Variants in BMP1 observed in about 807,000 individuals in gnomAD.
The protein encoded by BMP1 is mammalian tolloid protein.
BMP1 carries 63 observed loss-of-function variants against 116.8 expected under a neutral mutation model. The observed-to-expected ratio is 0.54, with a 90% CI of 0.44 to 0.67. The LOEUF (loss-of-function observed/expected upper bound fraction) is 0.67. BMP1 is among the 30% of genes least tolerant of loss of function. The probability of loss-of-function intolerance (pLI) is 0.00; values close to 1 mark genes in which losing one functional copy is unlikely to be tolerated. For synonymous variants in BMP1, 536 were observed against 533.4 expected, an observed-to-expected ratio of 1.00 and a Z score of -0.07; for missense variants, 1,183 against 1,358.9, an observed-to-expected ratio of 0.87 and a Z score of 2.04.
At chr8:22,177,486 C>T in intron 5 of BMP1, 1 of 703,532 alleles carries the variant, frequency 1.4e-6, no homozygotes, top group Non-Finnish European at 2.6e-6. Context: ...CTGCCCTCTG[C>T]CTGGTCTGCC....
rs1829380991 is a variant in BMP1, at chr8:22,207,369, G to A, written c.2428G>A (p.Gly810Arg). 2.5e-6 allele frequency: 4 copies of A among 1,614,086 alleles called. No individual in the cohort carries two copies. The highest frequency in any genetic ancestry group is 1.7e-5 in the Admixed American group (1 of 60,002). ...CAYDHLEVFDGRDAKAPVLGR... is the reference protein window; with the variant it reads ...CAYDHLEVFDRRDAKAPVLGR... Reference sequence around the variant, plus strand: ...CTACGACCACCTAGAGGTGTTCGACGGGCGAGACGCCAAGGCCCCCGTCCT... The same window carrying A: ...CTACGACCACCTAGAGGTGTTCGACAGGCGAGACGCCAAGGCCCCCGTCCT... The change falls in exon 18 of 20, where the codon GGG becomes AGG. Residue 810 changes from glycine (G) to arginine (R), a missense_variant. Around this residue, in one of 4 missense-constraint regions of BMP1, gnomAD observed 956 missense variants for 1,135.2 expected, o/e 0.84. Coordinates refer to ENST00000306385, the MANE Select transcript of BMP1 (RefSeq NM_006129.5).
chr8:22,212,306 A>T lies in BMP1; in HGVS notation c.*578A>T, dbSNP rs1829476513. 6.4e-6 allele frequency: 1 copy of T among 157,396 alleles called. No homozygotes were observed. The highest frequency in any genetic ancestry group is 1.4e-5 in the Non-Finnish European group (1 of 70,544). 9.7% of individuals were successfully genotyped at this position (157,396 alleles called of 1,614,324 possible). On this transcript the variant is annotated 3_prime_UTR_variant, in exon 20 of 20. Coordinates refer to ENST00000306385, the MANE Select transcript of BMP1 (RefSeq NM_006129.5). The stretch of plus-strand genomic sequence containing the variant: ...CCACACCAGGGCACCGCAGCCAATA[A>T]ACCGAAAGTGTTACAGCCAATATCC...
intron 16 of BMP1, among the ~76,000 whole-genome samples, chr8:22,206,486 A>G (rs1282448901): frequency 1.3e-5 from 2 of 151,006 alleles, no homozygotes; most frequent in Admixed American, 6.6e-5. Flanking sequence ...TGGGCAACAG[A>G]GCGAGACTCC....
intron 8 of BMP1, among the ~76,000 whole-genome samples, chr8:22,188,204 A>G (rs1828833072): frequency 7.6e-6 from 1 of 131,720 alleles, no homozygotes; most frequent in African/African-American, 3.1e-5. Context: ...TTTTTCTGAG[A>G]CAGAGTTGCT....
chr8:22,206,711 A>G (rs955360106), intron 16 of BMP1, 143 bp from the exon 17 acceptor site: 1 of 1,264,752 alleles, frequency 7.9e-7, no homozygotes, highest in African/African-American at 1.5e-5. Flanking sequence ...TGAAAAAGAA[A>G]CGATGCCTGC....
rs958488988 is a variant in BMP1 at position 22,179,311 on chromosome 8, G to A, written c.837-394G>A. ...TCCTGGGAGAAGTTTAGTTAGGGCT[G>A]GAGCAGCATGAGGGGCTGCAGAAGC... On this transcript the variant is annotated intron_variant, in intron 6 of 19. Transcript: ENST00000306385. The surrounding 1 kb of genome is among the most constrained non-coding windows in gnomAD (Gnocchi z 4.6). Among the ~76,000 whole-genome samples the A allele has an allele frequency of 5.3e-5, 8 of 152,330 alleles. No individual in the cohort carries two copies. Among genetic ancestry groups the A allele is most frequent in the Admixed American group, 4.6e-4 (7 of 15,310 alleles).
intron 9 of BMP1, among the ~76,000 whole-genome samples, chr8:22,193,454 A>G (rs1451640835): frequency 1.3e-5 from 2 of 152,248 alleles, no homozygotes; most frequent in African/African-American, 4.8e-5. Flanking sequence ...GCTCTTTAGA[A>G]AGGTAAATAG....
rs112416850 is a variant in BMP1 at position 22,193,766 on chromosome 8, A to G, written c.1181-292A>G. Among the ~76,000 whole-genome samples the G allele has an allele frequency of 2.8e-3, 422 of 152,374 alleles. 3 individuals are homozygous for G. The highest frequency in any genetic ancestry group is 9.8e-3 in the African/African-American group (406 of 41,586). ...GCCACTGCACTCCAGCCTGGGTGAC[A>G]GAGCGAGACTCCATCTCAAAAAAAT... On this transcript the variant is annotated intron_variant, in intron 9 of 19. Transcript: ENST00000306385.
At chr8:22,182,966 A>G (rs1056391761) in intron 8 of BMP1, among the ~76,000 whole-genome samples, 10 of 152,202 alleles carry the variant, frequency 6.6e-5, no homozygotes, top group Admixed American at 5.9e-4. Flanking sequence ...TTCCTTTTCA[A>G]ACAATGCTTA....
intron 8 of BMP1, among the ~76,000 whole-genome samples, chr8:22,185,912 T>G (rs1166301491): frequency 7.1e-6 from 1 of 140,720 alleles, no homozygotes; most frequent in Non-Finnish European, 1.5e-5. Flanking sequence ...CTTGGCTCAA[T>G]ATAACCTCCG....
At chr8:22,197,926 T>C (rs1829139504) in intron 15 of BMP1, among the ~76,000 whole-genome samples, 1 of 152,178 alleles carries the variant, frequency 6.6e-6, no homozygotes, top group African/African-American at 2.4e-5. Context: ...GGCTCACGCC[T>C]GTAATCCCAG....
chr8:22,201,748 TC>T, intron 15 of BMP1, 54 bp from the exon 16 acceptor site: 1 of 1,604,276 alleles, frequency 6.2e-7, no homozygotes, highest in Non-Finnish European at 8.5e-7. Flanking sequence ...CCCTGGGGCA[TC>T]CCAACCTCAG....
intron 9 of BMP1, among the ~76,000 whole-genome samples, chr8:22,193,349 T>G (rs774809308): frequency 9.9e-5 from 15 of 152,276 alleles, no homozygotes; most frequent in Non-Finnish European, 2.1e-4. Context: ...AAGAAAGCCA[T>G]GTTTATTTCT....
intron 17 of BMP1, 23 bp from the exon 18 acceptor site, chr8:22,207,278 CTG>C: frequency 6.3e-7 from 1 of 1,597,592 alleles, no homozygotes; most frequent in Non-Finnish European, 8.6e-7. Flanking sequence ...AATTTTTAAT[CTG>C]TGCTCCTTCC....
intron 15 of BMP1, chr8:22,201,282 C>T: frequency 6.5e-7 from 1 of 1,535,410 alleles, no homozygotes; most frequent in Non-Finnish European, 8.7e-7. Context: ...TCGGTGCCCA[C>T]CAACCCCCCA....
chr8:22,190,217 G>A (rs58581369), intron 8 of BMP1, among the ~76,000 whole-genome samples: 389 of 152,310 alleles, frequency 2.6e-3, no homozygotes, highest in African/African-American at 9.2e-3. Context: ...GAACTACCGC[G>A]CTTGGCCTGT....
At position 22,184,237 on chromosome 8, in the gene BMP1, A is replaced by G. The variant is rs7010120; in HGVS notation, c.1077+3754A>G. ...ACCTTCCTGTCCGGGAGTTTTTGCA[A>G]TCGGCTGGGGTATGGCATTGGGCTA... On this transcript the variant is annotated intron_variant, in intron 8 of 19. Coordinates refer to ENST00000306385, the MANE Select transcript of BMP1 (RefSeq NM_006129.5). Among the ~76,000 whole-genome samples the G allele has an allele frequency of 8.4e-3, 1,280 of 152,232 alleles. 20 individuals carry two copies. The highest frequency in any genetic ancestry group is 0.029 in the African/African-American group (1,225 of 41,532).
At chr8:22,190,828 G>A (rs80227842) in intron 8 of BMP1, among the ~76,000 whole-genome samples, 3,060 of 152,186 alleles carry the variant, frequency 0.02, 112 homozygotes, top group African/African-American at 0.069. Flanking sequence ...GGAGGCAGAC[G>A]GTCCCCTTCT....
rs770858434 is a variant in BMP1, at chr8:22,196,710, A to G, written c.1796A>G (p.Asn599Ser). Residue 599 changes from asparagine to serine, a missense_variant, in exon 14 of 20, where the codon AAC (asparagine) becomes AGC (serine). This residue lies in a region of BMP1 where 956 missense variants were observed against 1,135.2 expected (regional missense o/e 0.84). Coordinates refer to ENST00000306385, the MANE Select transcript of BMP1 (RefSeq NM_006129.5). ...AACGGFLTKL[N>S]GSITSPGWPK... is the part of the protein sequence containing the mutation. ...TGTGGCGGATTCCTCACCAAGCTCA[A>G]CGGCTCCATCACCAGCCCGGGCTGG... is the stretch of plus-strand genomic sequence containing the variant. The G allele has an allele frequency of 1.2e-6, 2 of 1,613,978 alleles. No individual in the cohort carries two copies. The highest frequency in any genetic ancestry group is 1.7e-6 in the Non-Finnish European group (2 of 1,179,984).
Sources: allele counts gnomAD v4.1 joint callset (sites outside exome capture counted in the v4.1 genomes callset), GRCh38; gene constraint gnomAD v4.1.1; regional missense constraint gnomAD v4.1.1; non-coding constraint Gnocchi (gnomAD v3.1); transcripts MANE v1.5; gene names NCBI Gene and HGNC (gene_info 2026-07-23, HGNC 2026-07-21).